Variants in FREM2 observed in about 807,000 individuals in gnomAD.
FREM2 encodes the protein FRAS1-related extracellular matrix protein 2.
In FREM2, 119 loss-of-function variants were observed where a neutral mutation model predicts 219.9. That is an observed-to-expected ratio of 0.54 (90% confidence interval 0.47 to 0.63). The LOEUF is 0.63. Among genes scored for constraint, FREM2 ranks in the 30% least tolerant of loss-of-function variants. FREM2 has a pLI of 0.00. For synonymous variants in FREM2, 1,562 were observed against 1,522.8 expected, an observed-to-expected ratio of 1.03 and a Z score of -0.60; for missense variants, 4,030 against 3,993.6, an observed-to-expected ratio of 1.01 and a Z score of -0.25.
chr13:38,723,270 A>G (rs71439779), intron 2 of FREM2, among the ~76,000 whole-genome samples: 1 of 151,998 alleles, frequency 6.6e-6, no homozygotes, highest in African/African-American at 2.4e-5. Context: ...ATAAAATAAA[A>G]CAGCTGGAGA....
intron 6 of FREM2, among the ~76,000 whole-genome samples, chr13:38,842,652 C>A (rs77504897): frequency 6.6e-6 from 1 of 152,286 alleles, no homozygotes; most frequent in East Asian, 1.9e-4. Context: ...ATGGTCTATG[C>A]GCACTTGAGT....
chr13:38,773,204 A>G (rs1452285208), intron 4 of FREM2, among the ~76,000 whole-genome samples: 1 of 152,030 alleles, frequency 6.6e-6, no homozygotes, highest in Non-Finnish European at 1.5e-5. Flanking sequence ...ATGCTTGCTT[A>G]TTTCTTTAAC....
chr13:38,747,395 ATGTGTGTGTGTGTGTG>A (rs71917471), intron 2 of FREM2, among the ~76,000 whole-genome samples: 1 of 142,920 alleles, frequency 7.0e-6, no homozygotes, highest in Non-Finnish European at 1.5e-5. Context: ...CTGATATAAT[ATGTGTGTGTGTGTGTG>A]TGTGTGTGTG....
rs763489895 is a variant in FREM2 at position 38,877,285 on chromosome 13, A to G, written c.8671+42A>G. On this transcript the variant is annotated intron_variant, in intron 21 of 23. Transcript: ENST00000280481. ...GAGAGGGATGCTCTGTTTGTCATGTATATCTTTTGTGCTTTGCTTTTTGGG... is the reference window on the plus strand; with the variant it reads ...GAGAGGGATGCTCTGTTTGTCATGTGTATCTTTTGTGCTTTGCTTTTTGGG... 5.0e-6 allele frequency: 8 copies of G among 1,608,794 alleles called. No individual in the cohort carries two copies. The East Asian group carries it at 1.3e-4, about 27-fold the overall frequency.
At chr13:38,704,938 G>A (rs1337904284) in intron 2 of FREM2, among the ~76,000 whole-genome samples, 1 of 152,086 alleles carries the variant, frequency 6.6e-6, no homozygotes, top group Non-Finnish European at 1.5e-5. Flanking sequence ...AGAACCGCAT[G>A]GGGGAACCGC....
intron 2 of FREM2, among the ~76,000 whole-genome samples, chr13:38,749,240 C>G (rs1872609747): frequency 6.6e-6 from 1 of 152,200 alleles, no homozygotes; most frequent in South Asian, 2.1e-4. Context: ...TCACCTCTAA[C>G]TTCCGAAAGG....
At chr13:38,824,479 A>G (rs1264225232) in intron 6 of FREM2, among the ~76,000 whole-genome samples, 1 of 152,118 alleles carries the variant, frequency 6.6e-6, no homozygotes, top group Non-Finnish European at 1.5e-5. Context: ...CAGCCACACC[A>G]TGTAGGAGAT....
At chr13:38,859,261 C>T in intron 13 of FREM2, 26 bp from the exon 14 acceptor site, 2 of 1,608,708 alleles carry the variant, frequency 1.2e-6, no homozygotes, top group South Asian at 1.1e-5. Flanking sequence ...CACTCTGTTC[C>T]TAACACAGTC....
chr13:38,817,947 A>G (rs2137873151), intron 6 of FREM2, among the ~76,000 whole-genome samples: 1 of 152,270 alleles, frequency 6.6e-6, no homozygotes, highest in Middle Eastern at 3.4e-3. Context: ...AAAATGTTCA[A>G]CATTGCTAAC....
chr13:38,813,125 T>G (rs557927084), intron 6 of FREM2, among the ~76,000 whole-genome samples: 1 of 152,208 alleles, frequency 6.6e-6, no homozygotes, highest in African/African-American at 2.4e-5. Context: ...CTATTCTGTG[T>G]TTTTCTGTCT....
chr13:38,872,859 C>T lies in FREM2; in HGVS notation c.8101C>T (p.Arg2701Cys). ...WQHFDLKSEL[R>C]LTFVYDTAIL... ...GCATTTTGACTTGAAGTCAGAGCTTCGTCTAACTTTTGTGTACGACACCGC... is the reference window on the plus strand; with the variant it reads ...GCATTTTGACTTGAAGTCAGAGCTTTGTCTAACTTTTGTGTACGACACCGC... The change falls in exon 17 of 24, where the codon CGT (arginine) becomes TGT (cysteine). Residue 2701 changes from arginine (R) to cysteine (C), a missense_variant. Physicochemically the swap from Arg to Cys is radical, Grantham distance 180 (BLOSUM62 -3). Transcript: ENST00000280481. The T allele has an allele frequency of 6.2e-7, 1 of 1,614,000 alleles. No homozygotes were observed. Among genetic ancestry groups the T allele is most frequent in the Non-Finnish European group, 8.5e-7 (1 of 1,179,908 alleles).
intron 3 of FREM2, among the ~76,000 whole-genome samples, chr13:38,768,581 T>C (rs1873534313): frequency 6.6e-6 from 1 of 152,154 alleles, no homozygotes; most frequent in South Asian, 2.1e-4. Flanking sequence ...CCAGCCTTAT[T>C]TTTCCAACTC....
intron 5 of FREM2, among the ~76,000 whole-genome samples, 193 bp from the exon 6 acceptor site, chr13:38,784,364 T>C (rs1331485789): frequency 6.6e-6 from 1 of 152,220 alleles, no homozygotes; most frequent in African/African-American, 2.4e-5. Flanking sequence ...ATATTCCTTA[T>C]AGGTGTATAG....
intron 22 of FREM2, 59 bp from the exon 23 acceptor site, chr13:38,878,772 G>A (rs1299901878): frequency 2.2e-5 from 34 of 1,516,538 alleles, no homozygotes; most frequent in Middle Eastern, 1.7e-4. Flanking sequence ...GAAACATGCT[G>A]TCCTGGCAAA....
At chr13:38,748,764 A>G (rs558452598) in intron 2 of FREM2, among the ~76,000 whole-genome samples, 6 of 152,356 alleles carry the variant, frequency 3.9e-5, no homozygotes, top group Admixed American at 3.3e-4. Context: ...ATTAACTACC[A>G]GGAAAAATAA....
intron 6 of FREM2, among the ~76,000 whole-genome samples, chr13:38,830,105 G>A (rs765270673): frequency 8.5e-5 from 13 of 152,172 alleles, no homozygotes; most frequent in Non-Finnish European, 1.6e-4. Flanking sequence ...TGAATAAAGC[G>A]TGTTGATATA....
At chr13:38,710,189 AAAC>A (rs1044634114) in intron 2 of FREM2, among the ~76,000 whole-genome samples, 5 of 152,082 alleles carry the variant, frequency 3.3e-5, no homozygotes, top group Non-Finnish European at 7.4e-5. Context: ...CTCTGTCACG[AAAC>A]AACAACAACA....
Position 38,728,502 on chromosome 13 carries a change from C to T in FREM2, c.5263+30715C>T, listed in dbSNP as rs1241289875. Among the ~76,000 whole-genome samples, 6 of 151,682 alleles carry T rather than the reference C, an allele frequency of 4.0e-5. No individual in the cohort carries two copies. The East Asian group carries it at 7.8e-4, about 20-fold the overall frequency. ...CTCGGTGCAGCCTCCACTTCCCATA[C>T]ACAAGTGATCCTCTAACCTCAGCCA... is the stretch of plus-strand genomic sequence containing the variant. On this transcript the variant is annotated intron_variant, in intron 2 of 23. Coordinates refer to ENST00000280481, the MANE Select transcript of FREM2 (RefSeq NM_207361.6).
chr13:38,720,435 G>A (rs1014962489), intron 2 of FREM2, among the ~76,000 whole-genome samples: 2 of 152,062 alleles, frequency 1.3e-5, no homozygotes, highest in African/African-American at 4.8e-5. Context: ...TCACACATGC[G>A]CAGACAGATT....
Sources: gnomAD v4.1 joint callset for allele counts (sites outside exome capture counted in the v4.1 genomes callset) on GRCh38, gnomAD v4.1.1 for gene constraint, MANE v1.5 for transcripts, NCBI Gene and HGNC (gene_info 2026-07-23, HGNC 2026-07-21) for gene names.